ST3GAL3: variants seen among roughly 807,000 people sequenced by gnomAD.
ST3GAL3 encodes the protein CMP-N-acetylneuraminate-beta-1,4-galactoside alpha-2,3-sialyltransferase.
Under a neutral mutation model 50.1 loss-of-function variants are expected in ST3GAL3, and 21 were observed. The observed-to-expected ratio is 0.42, with a 90% CI of 0.30 to 0.60. The LOEUF (loss-of-function observed/expected upper bound fraction) is 0.60, where lower values mean the gene tolerates loss of function less well. ST3GAL3 is among the 20% of genes least tolerant of loss of function. The pLI is 0.19. For missense variants in ST3GAL3, 353 were observed against 489.4 expected, an observed-to-expected ratio of 0.72 and a Z score of 2.63; for synonymous variants, 183 against 190.0, an observed-to-expected ratio of 0.96 and a Z score of 0.30.
chr1:43,925,187 G>T (rs2083698969), intron 11 of ST3GAL3, among the ~76,000 whole-genome samples: 1 of 151,012 alleles, frequency 6.6e-6, no homozygotes, highest in Non-Finnish European at 1.5e-5. Flanking sequence ...CTACTCCAGA[G>T]GCTGAAGCAG....
At chr1:43,909,194 A>G (rs982650297) in intron 9 of ST3GAL3, among the ~76,000 whole-genome samples, 7 of 152,180 alleles carry the variant, frequency 4.6e-5, no homozygotes, top group Non-Finnish European at 1.0e-4. Context: ...ACCTTCGAGG[A>G]GAGTCAGGAT....
intron 4 of ST3GAL3, among the ~76,000 whole-genome samples, chr1:43,834,718 C>G (rs2064035995): frequency 6.6e-6 from 1 of 152,214 alleles, no homozygotes; most frequent in African/African-American, 2.4e-5. Flanking sequence ...TGGATCTGAA[C>G]CCGAGCCAGG....
chr1:43,723,785 T>G (rs1671623304), intron 1 of ST3GAL3, among the ~76,000 whole-genome samples: 1 of 152,056 alleles, frequency 6.6e-6, no homozygotes, highest in African/African-American at 2.4e-5. Context: ...CTAATTTTCG[T>G]ATTTTTAGTA....
chr1:43,861,110 C>G (rs1036385386), intron 5 of ST3GAL3, among the ~76,000 whole-genome samples: 1 of 152,198 alleles, frequency 6.6e-6, no homozygotes, highest in Non-Finnish European at 1.5e-5. Flanking sequence ...CCTCTGCCTC[C>G]GTCTGGGCAA....
chr1:43,718,185 C>CTT (rs57506461), intron 1 of ST3GAL3, among the ~76,000 whole-genome samples: 19,452 of 83,320 alleles, frequency 0.23, 3,419 homozygotes, highest in Non-Finnish European at 0.27. Flanking sequence ...ATCATTAAAT[C>CTT]TTTTTTTTTT....
At chr1:43,712,767 G>A (rs1387567836) in intron 1 of ST3GAL3, among the ~76,000 whole-genome samples, 1 of 152,204 alleles carries the variant, frequency 6.6e-6, no homozygotes, top group Non-Finnish European at 1.5e-5. Flanking sequence ...AATGTGTGCT[G>A]TGGCCTAGAA....
intron 5 of ST3GAL3, among the ~76,000 whole-genome samples, chr1:43,849,715 A>G (rs1054725759): frequency 6.6e-6 from 1 of 152,184 alleles, no homozygotes; most frequent in Admixed American, 6.5e-5. Context: ...GACCCTTTCT[A>G]CACCATACTT....
At chr1:43,813,020 G>T (rs953725704) in intron 3 of ST3GAL3, among the ~76,000 whole-genome samples, 1 of 152,206 alleles carries the variant, frequency 6.6e-6, no homozygotes, top group Non-Finnish European at 1.5e-5. Context: ...AACAGGATTT[G>T]TTTTTTAATG....
intron 3 of ST3GAL3, among the ~76,000 whole-genome samples, chr1:43,796,396 G>T (rs2058688475): frequency 1.3e-5 from 2 of 152,212 alleles, no homozygotes; most frequent in South Asian, 4.1e-4. Context: ...GTTATTTATG[G>T]ACTTCAGGAT....
In ST3GAL3 at chr1:43,920,537, T is replaced by A. The variant is rs2082852972; in HGVS notation, c.878T>A (p.Leu293His). Residue 293 changes from leucine (L) to histidine (H), a missense_variant, in exon 10 of 12, where the codon CTC becomes CAC. Transcript: ENST00000347631. ...ATTGGCCTGCCCTTCAACAATGGCC[T>A]CATGGGCCGGGGGGTGAGATATCTG... is the stretch of plus-strand genomic sequence containing the variant. ...TLIGLPFNNG[L>H]MGRGNIPTLG... is the part of the protein sequence containing the mutation. 6.2e-7 allele frequency: 1 copy of A among 1,613,934 alleles called. No individual in the cohort carries two copies. Among genetic ancestry groups the A allele is most frequent in the Admixed American group, 1.7e-5 (1 of 59,996 alleles).
chr1:43,838,618 A>C (rs2064841268), intron 5 of ST3GAL3: 6 of 385,182 alleles, frequency 1.6e-5, no homozygotes, highest in South Asian at 1.3e-4. Context: ...CCAAGCACAG[A>C]AGCTCCTAGA....
chr1:43,807,090 T>C (rs246778), intron 3 of ST3GAL3, among the ~76,000 whole-genome samples: 126,976 of 152,228 alleles, frequency 0.83, 53,504 homozygotes, highest in East Asian at 0.92. Flanking sequence ...GCAGGAACAT[T>C]GAATATGGCA....
chr1:43,905,924 A>C (rs1208822982), intron 9 of ST3GAL3, among the ~76,000 whole-genome samples: 262 of 37,642 alleles, frequency 7.0e-3, no homozygotes, highest in Admixed American at 9.8e-3. Flanking sequence ...TCTTCCCACC[A>C]CTCTTCCCCC....
chr1:43,801,651 A>G (rs913809812), intron 3 of ST3GAL3: 4 of 244,102 alleles, frequency 1.6e-5, no homozygotes, highest in African/African-American at 6.8e-5. Context: ...TTTTTTTAAT[A>G]TTACAGAACT....
intron 5 of ST3GAL3, among the ~76,000 whole-genome samples, chr1:43,857,181 G>A (rs990598106): frequency 6.6e-6 from 1 of 152,174 alleles, no homozygotes; most frequent in Non-Finnish European, 1.5e-5. Context: ...GACAGGCAAA[G>A]CCTTGGTAGA....
chr1:43,758,796 G>T (rs1485942694), intron 2 of ST3GAL3, among the ~76,000 whole-genome samples: 1 of 151,960 alleles, frequency 6.6e-6, no homozygotes, highest in Non-Finnish European at 1.5e-5. Context: ...GGAGGCTCAG[G>T]CAGGAGGATC....
At chr1:43,765,792 C>CGT (rs1558203536) in intron 2 of ST3GAL3, among the ~76,000 whole-genome samples, 3 of 146,706 alleles carry the variant, frequency 2.0e-5, no homozygotes, top group African/African-American at 5.4e-5. Context: ...TGTGCGCGCG[C>CGT]GCGCGCGCGT....
chr1:43,729,083 A>C (rs934020257), intron 1 of ST3GAL3, among the ~76,000 whole-genome samples: 5 of 95,050 alleles, frequency 5.3e-5, no homozygotes, highest in East Asian at 3.1e-4. Context: ...AGAGACAATT[A>C]TTTTTCTTTT....
At chr1:43,902,329 T>C (rs903841307) in intron 9 of ST3GAL3, among the ~76,000 whole-genome samples, 8 of 152,202 alleles carry the variant, frequency 5.3e-5, no homozygotes, top group Admixed American at 3.3e-4. Flanking sequence ...TCACAGCTGC[T>C]TCCTGCCACT....
Sources: allele counts gnomAD v4.1 joint callset (sites outside exome capture counted in the v4.1 genomes callset), GRCh38; gene constraint gnomAD v4.1.1; transcripts MANE v1.5; gene names NCBI Gene and HGNC (gene_info 2026-07-23, HGNC 2026-07-21).